Variants in IKBKE observed in about 807,000 individuals in gnomAD.
The protein encoded by IKBKE is inhibitor of nuclear factor kappa B kinase subunit epsilon.
In IKBKE, 45 loss-of-function variants were observed where a neutral mutation model predicts 92.1. The observed-to-expected ratio is 0.49, with a 90% CI of 0.38 to 0.63. The LOEUF (loss-of-function observed/expected upper bound fraction) is 0.63. Among genes scored for constraint, IKBKE ranks in the 20% least tolerant of loss-of-function variants. IKBKE has a pLI of 0.00. For synonymous variants in IKBKE, 374 were observed against 380.3 expected (o/e 0.98, Z 0.19); for missense variants, 700 against 932.8 (o/e 0.75, Z 3.25).
chr1:206,474,266 C>T (rs1281729753), intron 3 of IKBKE, 65 bp from the exon 4 acceptor site: 2 of 1,506,222 alleles, frequency 1.3e-6, no homozygotes, highest in African/African-American at 2.8e-5. Context: ...GGTGGCTGCT[C>T]CCCTGTGGGA....
intron 16 of IKBKE, among the ~76,000 whole-genome samples, chr1:206,489,377 A>ATATG (rs1337223652): frequency 3.2e-5 from 4 of 123,144 alleles, no homozygotes; most frequent in African/African-American, 1.3e-4. Flanking sequence ...GTGTATATAT[A>ATATG]TATATATATA....
intron 3 of IKBKE, 89 bp from the exon 4 acceptor site, chr1:206,474,242 G>T: frequency 7.6e-7 from 1 of 1,313,028 alleles, no homozygotes; most frequent in Non-Finnish European, 1.1e-6. Flanking sequence ...AGGCTGAATG[G>T]AGGCCCAGGA....
At chr1:206,483,493 G>T (rs547289214) in intron 13 of IKBKE, among the ~76,000 whole-genome samples, 1 of 152,216 alleles carries the variant, frequency 6.6e-6, no homozygotes, top group Admixed American at 6.5e-5. Context: ...GGAGCAAAGC[G>T]ACGGCACCCC....
Position 206,485,401 on chromosome 1 carries a change from T to G in IKBKE, c.1616+95T>G. 15 of 728,690 alleles carry G rather than the reference T, an allele frequency of 2.1e-5. No individual in the cohort carries two copies. The highest frequency in any genetic ancestry group is 3.4e-5 in the Non-Finnish European group (14 of 406,960). 45.1% of individuals were successfully genotyped at this position (728,690 alleles called of 1,614,324 possible). ...TTAGCCTTTTAGACGTCAGCTTGCATTCCCCTTTCTCTTGGCAAGGGTGCT... is the reference window on the plus strand; with the variant it reads ...TTAGCCTTTTAGACGTCAGCTTGCAGTCCCCTTTCTCTTGGCAAGGGTGCT... On this transcript the variant is annotated intron_variant, in intron 15 of 21. Transcript: ENST00000581977. This position sits in a 1 kb window ranked among gnomAD's most constrained non-coding sequence, Gnocchi z 5.0.
chr1:206,493,671 C>T (rs532710056), intron 20 of IKBKE, among the ~76,000 whole-genome samples: 1 of 152,344 alleles, frequency 6.6e-6, no homozygotes, highest in South Asian at 2.1e-4. Flanking sequence ...CACCTGTAAT[C>T]TCAGCTACTT....
chr1:206,487,768 G>T lies in IKBKE; in HGVS notation c.1617-146G>T. 1.6e-6 allele frequency: 1 copy of T among 632,114 alleles called. No individual in the cohort carries two copies. The highest frequency in any genetic ancestry group is 1.9e-5 in the South Asian group (1 of 53,996). 39.2% of individuals were successfully genotyped at this position (632,114 alleles called of 1,614,324 possible). A position where few individuals can be genotyped will look rare whatever the true frequency, so the allele number is the denominator to read the frequency against. ...GGGTCTCAAATAAGCCTAGAGACGG[G>T]ACAGCCACCTCCACTCCCAGACTGA... On this transcript the variant is annotated intron_variant, in intron 15 of 21. Coordinates refer to ENST00000581977, the MANE Select transcript of IKBKE (RefSeq NM_014002.4). The surrounding 1 kb of genome is among the most constrained non-coding windows in gnomAD (Gnocchi z 5.3).
chr1:206,494,592 C>CTGTT (rs1666126121), intron 21 of IKBKE, among the ~76,000 whole-genome samples: 3 of 63,906 alleles, frequency 4.7e-5, no homozygotes, highest in Non-Finnish European at 6.0e-5. Context: ...AAAGTTCTTT[C>CTGTT]TTTTTTTTTT....
intron 4 of IKBKE, 104 bp downstream of exon 4, chr1:206,474,575 A>G (rs1664954475): frequency 5.1e-6 from 6 of 1,179,704 alleles, no homozygotes; most frequent in Non-Finnish European, 7.1e-6. Flanking sequence ...GCTCATCAGC[A>G]GGTCAGAGAC....
chr1:206,496,171 T>G lies in IKBKE; in HGVS notation c.*26T>G. On this transcript the variant is annotated 3_prime_UTR_variant, in exon 22 of 22. Coordinates refer to ENST00000581977, the MANE Select transcript of IKBKE (RefSeq NM_014002.4). ...GCTCCATGGGGCACATGAGGCATCC[T>G]GAAGCATTAGAATGATTCCAACACT... 6.3e-7 allele frequency: 1 copy of G among 1,595,540 alleles called. No homozygotes were observed. The highest frequency in any genetic ancestry group is 8.6e-7 in the Non-Finnish European group (1 of 1,162,924).
chr1:206,488,061 C>A (rs1665760435), intron 16 of IKBKE, 71 bp downstream of exon 16: 1 of 1,209,386 alleles, frequency 8.3e-7, no homozygotes, highest in Non-Finnish European at 1.2e-6. Context: ...TTCCTTTTCA[C>A]TGGTGCTACC....
rs187569228 is a variant in IKBKE at position 206,481,462 on chromosome 1, G to A, written c.1427+929G>A. Among the ~76,000 whole-genome samples the A allele has an allele frequency of 9.2e-5, 14 of 152,354 alleles. No individual in the cohort carries two copies. The East Asian group carries it at 2.5e-3, about 27-fold the overall frequency. ...AGCTGGGAGGTGGAGGAGCAGGGAG[G>A]AGGAAGAGGAGCATCTCCAGATAAC... On this transcript the variant is annotated intron_variant, in intron 13 of 21. Transcript: ENST00000581977.
In IKBKE at chr1:206,487,857, T is replaced by A; in HGVS notation, c.1617-57T>A. On this transcript the variant is annotated intron_variant, in intron 15 of 21. Coordinates refer to ENST00000581977, the MANE Select transcript of IKBKE (RefSeq NM_014002.4). This position sits in a 1 kb window ranked among gnomAD's most constrained non-coding sequence, Gnocchi z 5.3. ...CACTGCCACCCTTCCCCTCCCTCCC[T>A]CTTTCCTCTGTGCTATTAGATTCTT... 2 of 1,387,470 alleles carry A rather than the reference T, an allele frequency of 1.4e-6. No individual in the cohort carries two copies. Among genetic ancestry groups the A allele is most frequent in the Non-Finnish European group, 1.0e-6 (1 of 985,012 alleles). The allele number at this position is 1,387,470 out of a possible 1,614,324, so 85.9% of individuals were successfully genotyped here. A position where few individuals can be genotyped will look rare whatever the true frequency, so the allele number is the denominator to read the frequency against.
chr1:206,496,809 A>G lies in IKBKE; in HGVS notation c.*664A>G, dbSNP rs1666262449. 1 of 231,162 alleles carries G rather than the reference A, an allele frequency of 4.3e-6. No individual in the cohort carries two copies. The highest frequency in any genetic ancestry group is 8.6e-6 in the Non-Finnish European group (1 of 116,872). 14.3% of individuals were successfully genotyped at this position (231,162 alleles called of 1,614,324 possible). A position where few individuals can be genotyped will look rare whatever the true frequency, so the allele number is the denominator to read the frequency against. The stretch of plus-strand genomic sequence containing the variant: ...CTGAGGCTCCAGCTGGTCCTGGGAC[A>G]TGCAGCCAGGACTGTGAGTCTGGGC... On this transcript the variant is annotated 3_prime_UTR_variant, in exon 22 of 22. Coordinates refer to ENST00000581977, the MANE Select transcript of IKBKE (RefSeq NM_014002.4).
intron 18 of IKBKE, chr1:206,492,755 G>A (rs782686002): frequency 3.1e-5 from 19 of 603,398 alleles, no homozygotes; most frequent in South Asian, 2.3e-4. Flanking sequence ...GGTGGCATGC[G>A]TCACCCAGCC....
rs1246347235 is a variant in IKBKE at position 206,490,213 on chromosome 1, T to C, written c.1694-606T>C. On this transcript the variant is annotated intron_variant, in intron 16 of 21. Coordinates refer to ENST00000581977, the MANE Select transcript of IKBKE (RefSeq NM_014002.4). This position sits in a 1 kb window ranked among gnomAD's most constrained non-coding sequence, Gnocchi z 5.2. ...GAAGTGAACCGCCATCATCATTTCA[T>C]CTTGGGGCTGCCGCCACCCTGGAGG... 2.6e-5 allele frequency among the ~76,000 whole-genome samples: 4 copies of C among 152,182 alleles called. No individual in the cohort carries two copies. Among genetic ancestry groups the C allele is most frequent in the Non-Finnish European group, 5.9e-5 (4 of 68,020 alleles).
intron 17 of IKBKE, chr1:206,491,358 TC>T: frequency 1.0e-5 from 4 of 394,966 alleles, no homozygotes; most frequent in South Asian, 9.5e-5. Context: ...TGCCTCACTT[TC>T]CCTTCCCTTT....
intron 13 of IKBKE, 99 bp from the exon 14 acceptor site, chr1:206,484,898 A>T: frequency 1.0e-6 from 1 of 969,322 alleles, no homozygotes; most frequent in Non-Finnish European, 1.6e-6. Context: ...AGGCTGTCCC[A>T]CAGATGCTAT....
At chr1:206,477,150 T>A (rs1322363462) in intron 7 of IKBKE, among the ~76,000 whole-genome samples, 1 of 152,174 alleles carries the variant, frequency 6.6e-6, no homozygotes. Flanking sequence ...GTGGAAGAGC[T>A]CACCAGGGGC....
intron 17 of IKBKE, 98 bp from the exon 18 acceptor site, chr1:206,491,550 A>G: frequency 2.4e-6 from 2 of 837,474 alleles, no homozygotes; most frequent in South Asian, 1.4e-5. Flanking sequence ...GGCACTTACG[A>G]CAAGGTGGTG....
Sources: gnomAD v4.1 joint callset for allele counts (sites outside exome capture counted in the v4.1 genomes callset) on GRCh38, gnomAD v4.1.1 for gene constraint, Gnocchi (gnomAD v3.1) non-coding constraint, MANE v1.5 for transcripts, NCBI Gene and HGNC (gene_info 2026-07-23, HGNC 2026-07-21) for gene names.